Variants in RFC3 observed in about 807,000 individuals in gnomAD.
RFC3 encodes the protein replication factor C subunit 3, also known as A1 38 kDa subunit.
In RFC3, 41 loss-of-function variants were observed where a neutral mutation model predicts 45.1. The observed-to-expected ratio is 0.91, with a 90% confidence interval of 0.71 to 1.18. RFC3 has a LOEUF of 1.18. RFC3 is among the 50% of genes most tolerant of loss of function. The probability of loss-of-function intolerance (pLI) is 0.00; values close to 1 mark genes in which losing one functional copy is unlikely to be tolerated. For synonymous variants in RFC3, 149 were observed against 144.0 expected (o/e 1.03, Z -0.25); for missense variants, 423 against 428.1 (o/e 0.99, Z 0.10).
intron 8 of RFC3, among the ~76,000 whole-genome samples, chr13:33,924,180 A>G (rs992590350): frequency 6.6e-6 from 1 of 152,090 alleles, no homozygotes; most frequent in African/African-American, 2.4e-5. Context: ...AATTGACTTT[A>G]AAAGACAAGT....
intron 7 of RFC3, among the ~76,000 whole-genome samples, chr13:33,834,109 T>A (rs1395881456): frequency 6.6e-6 from 1 of 151,844 alleles, no homozygotes; most frequent in East Asian, 1.9e-4. Flanking sequence ...GTTAAATTAT[T>A]TGTTTCAATT....
intron 7 of RFC3, among the ~76,000 whole-genome samples, chr13:33,834,329 T>TATATATATATATATACACATAC (rs1300798923): frequency 0.012 from 1,517 of 124,772 alleles, 54 homozygotes; most frequent in African/African-American, 0.021. Context: ...TATATATATA[T>TATATATATATATATACACATAC]ATCTGTACTG....
At chr13:33,894,645 C>A (rs1437807772) in intron 8 of RFC3, among the ~76,000 whole-genome samples, 1 of 152,236 alleles carries the variant, frequency 6.6e-6, no homozygotes, top group East Asian at 1.9e-4. Context: ...TGGCCTGGGG[C>A]AATTTTGGGT....
chr13:33,911,509 A>T (rs7337733), intron 8 of RFC3, among the ~76,000 whole-genome samples: 2,935 of 152,014 alleles, frequency 0.019, 78 homozygotes, highest in African/African-American at 0.059. Flanking sequence ...AGTAATTTAT[A>T]AAAAAAAGAG....
intron 8 of RFC3, among the ~76,000 whole-genome samples, chr13:33,946,748 GA>G (rs2082956878): frequency 6.6e-6 from 1 of 152,156 alleles, no homozygotes; most frequent in South Asian, 2.1e-4. Context: ...GGAAAAGGGA[GA>G]ATCATTTTAA....
intron 8 of RFC3, among the ~76,000 whole-genome samples, chr13:33,874,902 A>G (rs752707075): frequency 2.0e-5 from 3 of 152,224 alleles, no homozygotes; most frequent in South Asian, 2.1e-4. Flanking sequence ...TTAACTAACC[A>G]TGGGAAACAT....
At chr13:33,880,710 C>T (rs1302991719) in intron 8 of RFC3, among the ~76,000 whole-genome samples, 1 of 152,194 alleles carries the variant, frequency 6.6e-6, no homozygotes, top group Non-Finnish European at 1.5e-5. Flanking sequence ...TACCACCTTA[C>T]ATTTTAATTC....
chr13:33,908,645 C>CAT (rs2082686434), intron 8 of RFC3, among the ~76,000 whole-genome samples: 1 of 150,676 alleles, frequency 6.6e-6, no homozygotes. Flanking sequence ...CACACACACA[C>CAT]ACACGCTTTA....
intron 7 of RFC3, among the ~76,000 whole-genome samples, chr13:33,834,298 GTATA>G (rs58858615): frequency 0.62 from 67,411 of 108,914 alleles, 23,008 homozygotes; most frequent in Non-Finnish European, 0.74. Context: ...TGTACTGTGT[GTATA>G]TATATATATA....
intron 8 of RFC3, among the ~76,000 whole-genome samples, chr13:33,865,543 C>G (rs1301646688): frequency 6.6e-6 from 1 of 152,182 alleles, no homozygotes; most frequent in Non-Finnish European, 1.5e-5. Flanking sequence ...TCTGAGGAAG[C>G]TCTACCAAGG....
chr13:33,949,951 C>T (rs1360616951), intron 8 of RFC3, among the ~76,000 whole-genome samples: 1 of 152,028 alleles, frequency 6.6e-6, no homozygotes, highest in Admixed American at 6.6e-5. Context: ...GCCTGCTGGC[C>T]TTGGGATTGA....
chr13:33,861,743 A>G (rs1310410522), intron 8 of RFC3, among the ~76,000 whole-genome samples: 1 of 152,102 alleles, frequency 6.6e-6, no homozygotes, highest in African/African-American at 2.4e-5. Flanking sequence ...TCAACCTGTG[A>G]GAACACGCAC....
At chr13:33,966,290 A>T (rs932943497) in exon 9 of RFC3, 2 of 650,928 alleles carry the variant, frequency 3.1e-6, no homozygotes, top group Admixed American at 2.3e-5. Flanking sequence ...TCCCTCCCTG[A>T]CCCACTGTGC....
At chr13:33,964,730 G>A (rs1214065889) in intron 8 of RFC3, among the ~76,000 whole-genome samples, 6 of 152,150 alleles carry the variant, frequency 3.9e-5, no homozygotes, top group Admixed American at 1.3e-4. Context: ...GGGTTGAATG[G>A]TGACCCCCAA....
intron 8 of RFC3, chr13:33,850,129 C>T (rs2082266953): frequency 6.6e-6 from 1 of 152,090 alleles, no homozygotes. Flanking sequence ...CTTTATGTTA[C>T]TAATTTGAAT....
intron 2 of RFC3, among the ~76,000 whole-genome samples, chr13:33,823,264 GA>G (rs1468998313): frequency 6.6e-6 from 1 of 152,070 alleles, no homozygotes; most frequent in Non-Finnish European, 1.5e-5. Context: ...ATTAAAGTTA[GA>G]AAACACATTC....
chr13:33,946,260 C>T (rs1157833435), intron 8 of RFC3, among the ~76,000 whole-genome samples: 3 of 152,164 alleles, frequency 2.0e-5, no homozygotes, highest in African/African-American at 7.2e-5. Flanking sequence ...ATAAATGTTC[C>T]TGTGATCCAA....
downstream of RFC3, among the ~76,000 whole-genome samples, chr13:33,839,502 G>GC (rs1054963606): frequency 2.0e-5 from 3 of 152,216 alleles, no homozygotes; most frequent in African/African-American, 7.2e-5. Context: ...TAATGTTGCT[G>GC]CCATTTTTAC....
chr13:33,879,724 A>C (rs2082470254), intron 8 of RFC3, among the ~76,000 whole-genome samples: 1 of 152,240 alleles, frequency 6.6e-6, no homozygotes, highest in Admixed American at 6.5e-5. Context: ...AATTACCAAC[A>C]AACTTAGCGG....
Sources: gnomAD v4.1 joint callset for allele counts (sites outside exome capture counted in the v4.1 genomes callset) on GRCh38, gnomAD v4.1.1 for gene constraint, MANE v1.5 for transcripts, NCBI Gene and HGNC (gene_info 2026-07-23, HGNC 2026-07-21) for gene names.